Variants in WDR47 observed in about 807,000 individuals in gnomAD.
WDR47 encodes the protein WD repeat domain 47.
Under a neutral mutation model 97.2 loss-of-function variants are expected in WDR47, and 32 were observed. The observed-to-expected ratio is 0.33, with a 90% CI of 0.25 to 0.44. WDR47 has a LOEUF of 0.44. WDR47 is among the 20% of genes least tolerant of loss of function. WDR47 has a pLI of 1.00. For synonymous variants in WDR47, 375 were observed against 373.5 expected, an observed-to-expected ratio of 1.00 and a Z score of -0.05; for missense variants, 782 against 1,102.3, an observed-to-expected ratio of 0.71 and a Z score of 4.11.
At chr1:108,971,845 CTTCATCTTTTGCTAGT>C (rs1657479290) in intron 14 of WDR47, among the ~76,000 whole-genome samples, 2 of 152,182 alleles carry the variant, frequency 1.3e-5, no homozygotes, top group South Asian at 4.2e-4. Flanking sequence ...TTCAGTGCCA[CTTCATCTTTTGCTAGT>C]TTCCCTTTTC....
At chr1:108,999,751 T>C (rs1372653877) in intron 7 of WDR47, among the ~76,000 whole-genome samples, 2 of 152,128 alleles carry the variant, frequency 1.3e-5, no homozygotes, top group African/African-American at 4.8e-5. Flanking sequence ...CCGAATAGTT[T>C]AGCTTTTTTT....
chr1:109,013,086 T>G (rs1334588476), intron 4 of WDR47, among the ~76,000 whole-genome samples: 1 of 152,062 alleles, frequency 6.6e-6, no homozygotes, highest in Non-Finnish European at 1.5e-5. Context: ...AGTGCCCATA[T>G]AAGAGACCCC....
chr1:108,991,855 G>A (rs1659372974), intron 8 of WDR47, among the ~76,000 whole-genome samples: 1 of 151,906 alleles, frequency 6.6e-6, no homozygotes, highest in South Asian at 2.1e-4. Flanking sequence ...TAGAGACGGG[G>A]TCTCCCTATG....
rs1660457152 is a variant in WDR47, at chr1:109,004,663, T to C, written c.1183A>G (p.Ser395Gly). Reference sequence around the variant, plus strand: ...GCAGGCTCTTTTTCTGAAACTGAACTCTGGCCCAAGATTTCACTGCCGATA... The same window carrying C: ...GCAGGCTCTTTTTCTGAAACTGAACCCTGGCCCAAGATTTCACTGCCGATA... ...RPIGSEILGQSSVSEKEPANG... is the reference protein window; with the variant it reads ...RPIGSEILGQGSVSEKEPANG... Residue 395 changes from serine to glycine, a missense_variant, in exon 6 of 15, where the codon AGT becomes GGT. Coordinates refer to ENST00000369962, the MANE Select transcript of WDR47 (RefSeq NM_001142551.2). The C allele has an allele frequency of 6.2e-7, 1 of 1,613,730 alleles. No individual in the cohort carries two copies. Among genetic ancestry groups the C allele is most frequent in the East Asian group, 2.2e-5 (1 of 44,848 alleles).
chr1:109,023,144 A>T (rs1661970506), intron 2 of WDR47, among the ~76,000 whole-genome samples: 1 of 151,936 alleles, frequency 6.6e-6, no homozygotes, highest in African/African-American at 2.4e-5. Context: ...CGGAGCTTGC[A>T]GTGAGCCGAC....
In WDR47 at chr1:109,011,572, G is replaced by A. The variant is rs760552897; in HGVS notation, c.474C>T (p.Ser158=). 3.1e-6 allele frequency: 5 copies of A among 1,614,186 alleles called. No individual in the cohort carries two copies. Among genetic ancestry groups the A allele is most frequent in the Non-Finnish European group, 4.2e-6 (5 of 1,180,038 alleles). ...NHAEFKDWNP[S]TARVHCFEEA... ...CTTCAAAACAGTGAACTCGTGCGGT[G>A]CTGGGATTCCAGTCCTTAAACTCGG... Residue 158 remains serine, a synonymous_variant, in exon 5 of 15, where the codon AGC becomes AGT. Transcript: ENST00000369962.
chr1:109,011,065 A>C lies in WDR47; in HGVS notation c.981T>G (p.His327Gln), dbSNP rs755862887. 4.3e-6 allele frequency: 7 copies of C among 1,614,146 alleles called. No homozygotes were observed. In the Middle Eastern group the frequency reaches 4.9e-4, roughly 114 times the overall value. Residue 327 changes from histidine to glutamine, a missense_variant, in exon 5 of 15, where the codon CAT (histidine) becomes CAG (glutamine). By Grantham distance (24) the His-to-Gln change is conservative. Transcript: ENST00000369962. Reference protein sequence around the residue: ...LDGLTCGLTSHDKRISDLGNK... With the variant: ...LDGLTCGLTSQDKRISDLGNK... ...TTCCAAGGTCTGAAATTCTCTTATC[A>C]TGACTGGTTAGTCCACAGGTGAGGC...
At chr1:109,016,702 T>C (rs1278819578) in intron 3 of WDR47, among the ~76,000 whole-genome samples, 2 of 152,082 alleles carry the variant, frequency 1.3e-5, no homozygotes, top group African/African-American at 4.8e-5. Flanking sequence ...AAAATCAAAC[T>C]TTTTATGTAG....
intron 1 of WDR47, among the ~76,000 whole-genome samples, chr1:109,036,564 C>A (rs544381417): frequency 6.8e-6 from 1 of 148,028 alleles, no homozygotes; most frequent in East Asian, 2.0e-4. Context: ...AGTCCAGGCG[C>A]GGTGGCTCAC....
At chr1:109,025,999 C>T (rs866500234) in intron 1 of WDR47, among the ~76,000 whole-genome samples, 41 of 152,028 alleles carry the variant, frequency 2.7e-4, no homozygotes, top group African/African-American at 8.7e-4. Flanking sequence ...TCACAGACTT[C>T]GTCCAAAAGA....
chr1:109,018,290 A>G (rs1173934288), intron 2 of WDR47, among the ~76,000 whole-genome samples: 1 of 151,780 alleles, frequency 6.6e-6, no homozygotes, highest in Admixed American at 6.6e-5. Flanking sequence ...CTCTACTAAA[A>G]GTACGAAAAT....
rs568263033 is a variant in WDR47 at position 108,989,856 on chromosome 1, A to G, written c.1767+1398T>C. On this transcript the variant is annotated intron_variant, in intron 9 of 14. Coordinates refer to ENST00000369962, the MANE Select transcript of WDR47 (RefSeq NM_001142551.2). ...ATTACAGGCACCCGCCATCACACTC[A>G]GCTAATTTTTTGTATTTTTAGAAGA... Among the ~76,000 whole-genome samples, 6 of 152,050 alleles carry G rather than the reference A, an allele frequency of 3.9e-5. No individual in the cohort carries two copies. In the East Asian group the frequency reaches 1.2e-3, roughly 30 times the overall value.
Position 109,011,362 on chromosome 1 carries a change from G to A in WDR47, c.684C>T (p.Gly228=), listed in dbSNP as rs1475061638. The A allele has an allele frequency of 6.2e-7, 1 of 1,614,170 alleles. No individual in the cohort carries two copies. Among genetic ancestry groups the A allele is most frequent in the Admixed American group, 1.7e-5 (1 of 60,026 alleles). ...EEITESEVLL[G]IDLLCGNGCD... The stretch of plus-strand genomic sequence containing the variant: ...AACCATTACCACATAAGAGGTCGAT[G>A]CCAAGAAGCACTTCGCTTTCTGTAA... The change falls in exon 5 of 15, where the codon GGC becomes GGT. Residue 228 remains glycine (G), a synonymous_variant. Coordinates refer to ENST00000369962, the MANE Select transcript of WDR47 (RefSeq NM_001142551.2).
rs745418813 is a variant in WDR47 at position 109,002,261 on chromosome 1, C to G, written c.1396G>C (p.Asp466His). ...EGGVNQEDGPDQQQNLTEQFL... is the reference protein window; with the variant it reads ...EGGVNQEDGPHQQQNLTEQFL... ...TGTTCAGTAAGATTCTGCTGCTGATCAGGACCATCCTCCTGATTCACGCCT... is the reference window on the plus strand; with the variant it reads ...TGTTCAGTAAGATTCTGCTGCTGATGAGGACCATCCTCCTGATTCACGCCT... Residue 466 changes from aspartate to histidine, a missense_variant, in exon 7 of 15, where the codon GAT (aspartate) becomes CAT (histidine). Transcript: ENST00000369962. 1.2e-6 allele frequency: 2 copies of G among 1,609,666 alleles called. No individual in the cohort carries two copies. The highest frequency in any genetic ancestry group is 4.5e-5 in the East Asian group (2 of 44,836).
intron 13 of WDR47, among the ~76,000 whole-genome samples, chr1:108,975,492 G>A (rs1307517907): frequency 6.6e-6 from 1 of 151,472 alleles, no homozygotes; most frequent in African/African-American, 2.4e-5. Context: ...GGAGTGGCAC[G>A]TGCCTGTAAT....
At chr1:109,008,877 G>C (rs975403207) in intron 5 of WDR47, among the ~76,000 whole-genome samples, 4 of 152,108 alleles carry the variant, frequency 2.6e-5, no homozygotes, top group Admixed American at 6.5e-5. Context: ...CAAAGTGCTG[G>C]GATTACAGGC....
At chr1:109,027,370 T>G (rs976025902) in intron 1 of WDR47, among the ~76,000 whole-genome samples, 2 of 151,714 alleles carry the variant, frequency 1.3e-5, no homozygotes, top group African/African-American at 4.8e-5. Flanking sequence ...ATTTTAATTC[T>G]TATAAGCTTC....
chr1:109,004,152 C>G (rs1417194779), intron 6 of WDR47, among the ~76,000 whole-genome samples: 1 of 151,858 alleles, frequency 6.6e-6, no homozygotes, highest in Non-Finnish European at 1.5e-5. Context: ...GTGGTCCCAG[C>G]TACTCGGGAG....
intron 1 of WDR47, chr1:109,030,267 G>C: frequency 6.6e-7 from 1 of 1,524,722 alleles, no homozygotes; most frequent in Non-Finnish European, 8.8e-7. Flanking sequence ...CAGCCTACAG[G>C]AGGAAAAGCA....
Sources: allele counts gnomAD v4.1 joint callset (sites outside exome capture counted in the v4.1 genomes callset), GRCh38; gene constraint gnomAD v4.1.1; transcripts MANE v1.5; gene names NCBI Gene and HGNC (gene_info 2026-07-23, HGNC 2026-07-21).